CCDC102B: variants seen among roughly 807,000 people sequenced by gnomAD.
CCDC102B encodes the protein coiled-coil domain containing 102B, also known as coiled-coil domain-containing protein 102B.
CCDC102B carries 75 observed loss-of-function variants against 57.4 expected under a neutral mutation model. That is an observed-to-expected ratio of 1.31 (90% CI 1.08 to 1.58). CCDC102B has a LOEUF of 1.58. Among genes scored for constraint, CCDC102B ranks in the 40% most tolerant of loss-of-function variants. The pLI, the probability that CCDC102B is intolerant of heterozygous loss-of-function variation, is 0.00. For synonymous variants in CCDC102B, 206 were observed against 201.9 expected, an observed-to-expected ratio of 1.02 and a Z score of -0.17; for missense variants, 636 against 582.6, an observed-to-expected ratio of 1.09 and a Z score of -0.94.
intron 5 of CCDC102B, among the ~76,000 whole-genome samples, chr18:68,876,722 A>G (rs938523253): frequency 6.6e-6 from 1 of 152,200 alleles, no homozygotes; most frequent in African/African-American, 2.4e-5. Context: ...ACTGTTAGTG[A>G]TATAGATTTA....
chr18:68,759,320 G>A (rs2034173392), intron 2 of CCDC102B, among the ~76,000 whole-genome samples: 1 of 152,044 alleles, frequency 6.6e-6, no homozygotes, highest in African/African-American at 2.4e-5. Context: ...AATTTTATAG[G>A]AACTTAAAGA....
chr18:68,955,275 A>G (rs35039350), intron 6 of CCDC102B, among the ~76,000 whole-genome samples: 1 of 152,160 alleles, frequency 6.6e-6, no homozygotes, highest in Admixed American at 6.6e-5. Flanking sequence ...AGGAAAAAAC[A>G]CAATAGGAAA....
At chr18:68,826,432 G>T (rs777367331) in intron 1 of CCDC102B, among the ~76,000 whole-genome samples, 3 of 152,190 alleles carry the variant, frequency 2.0e-5, no homozygotes, top group Non-Finnish European at 2.9e-5. Context: ...CAGTGACCAA[G>T]AGAGAAGGCA....
At chr18:69,049,139 C>T (rs1599901949) in intron 7 of CCDC102B, among the ~76,000 whole-genome samples, 1 of 151,812 alleles carries the variant, frequency 6.6e-6, no homozygotes, top group African/African-American at 2.4e-5. Context: ...TTGCTGCACC[C>T]ATCAACCCGT....
intron 1 of CCDC102B, among the ~76,000 whole-genome samples, chr18:68,811,631 A>G (rs540134654): frequency 2.1e-4 from 32 of 152,286 alleles, no homozygotes; most frequent in African/African-American, 6.3e-4. Flanking sequence ...CAAACAAACA[A>G]AAAACATAAG....
chr18:69,021,178 T>C (rs1396000962), intron 7 of CCDC102B, among the ~76,000 whole-genome samples: 1 of 152,192 alleles, frequency 6.6e-6, no homozygotes, highest in African/African-American at 2.4e-5. Flanking sequence ...ATTATCTAAG[T>C]TAATATCCGG....
intron 2 of CCDC102B, among the ~76,000 whole-genome samples, chr18:68,718,364 G>C (rs764082854): frequency 3.3e-5 from 5 of 152,174 alleles, no homozygotes; most frequent in Non-Finnish European, 7.3e-5. Context: ...TTTGTATGGA[G>C]AACTACGTGC....
chr18:68,833,162 A>T lies in CCDC102B; in HGVS notation c.-15-3587A>T, dbSNP rs1019484865. On this transcript the variant is annotated intron_variant, in intron 1 of 7. Coordinates refer to ENST00000360242, the MANE Select transcript of CCDC102B (RefSeq NM_024781.3). ...TCATATGAAAAGGTGGTAGCTCAGG[A>T]TTCAAATTTCCTCAGTTTCCAAACT... is the stretch of plus-strand genomic sequence containing the variant. 2.0e-5 allele frequency among the ~76,000 whole-genome samples: 3 copies of T among 152,206 alleles called. No homozygotes were observed. The South Asian group carries it at 6.2e-4, about 31-fold the overall frequency.
chr18:68,930,123 G>A (rs2145136064), intron 6 of CCDC102B, among the ~76,000 whole-genome samples: 1 of 151,298 alleles, frequency 6.6e-6, no homozygotes, highest in Admixed American at 6.6e-5. Flanking sequence ...AAAGGCCAAT[G>A]TAGTCTGTGA....
intron 2 of CCDC102B, among the ~76,000 whole-genome samples, chr18:68,743,271 G>C (rs1468134667): frequency 6.6e-6 from 1 of 151,836 alleles, no homozygotes; most frequent in African/African-American, 2.4e-5. Flanking sequence ...AGACAGGTGT[G>C]GGGGCACATG....
chr18:68,863,400 AGT>A (rs2038845040), intron 4 of CCDC102B, among the ~76,000 whole-genome samples: 1 of 151,966 alleles, frequency 6.6e-6, no homozygotes, highest in Non-Finnish European at 1.5e-5. Context: ...GAAATGTGTC[AGT>A]GTGTTTCCCT....
At chr18:68,743,998 T>G (rs2033515596) in intron 2 of CCDC102B, among the ~76,000 whole-genome samples, 2 of 152,236 alleles carry the variant, frequency 1.3e-5, no homozygotes, top group Admixed American at 6.5e-5. Flanking sequence ...TTTGAAGTCT[T>G]TGGACTTCGA....
At chr18:68,783,868 G>A (rs1296424126) in intron 2 of CCDC102B, among the ~76,000 whole-genome samples, 1 of 152,100 alleles carries the variant, frequency 6.6e-6, no homozygotes, top group Non-Finnish European at 1.5e-5. Context: ...ATTAAAGTCT[G>A]CTGATAACAT....
At chr18:69,037,978 A>C (rs1019872) in intron 7 of CCDC102B, among the ~76,000 whole-genome samples, 8,692 of 152,108 alleles carry the variant, frequency 0.057, 376 homozygotes, top group East Asian at 0.16. Context: ...CCTTCAAATT[A>C]AATGTTGATT....
intron 2 of CCDC102B, among the ~76,000 whole-genome samples, chr18:68,740,644 A>G (rs2033339806): frequency 6.6e-6 from 1 of 152,214 alleles, no homozygotes. Context: ...CATTGCTGGC[A>G]TTGGAGGTGG....
At chr18:68,751,173 A>G (rs543068820) in intron 2 of CCDC102B, among the ~76,000 whole-genome samples, 1 of 152,354 alleles carries the variant, frequency 6.6e-6, no homozygotes, top group Admixed American at 6.5e-5. Flanking sequence ...TTTATGTTCT[A>G]TAAAGCCACT....
chr18:68,948,983 C>A (rs1599736681), intron 6 of CCDC102B, among the ~76,000 whole-genome samples: 1 of 152,074 alleles, frequency 6.6e-6, no homozygotes, highest in Admixed American at 6.6e-5. Context: ...AGAGCCAGTC[C>A]GAGTCTCAAA....
intron 6 of CCDC102B, among the ~76,000 whole-genome samples, chr18:68,906,922 G>GATGCTTTT (rs146413897): frequency 2.7e-5 from 4 of 149,448 alleles, no homozygotes; most frequent in Admixed American, 2.7e-4. Context: ...GTTTATTTCT[G>GATGCTTTT]ATACTTTTAT....
chr18:68,967,028 A>T (rs1323775027), intron 6 of CCDC102B, among the ~76,000 whole-genome samples: 1 of 152,140 alleles, frequency 6.6e-6, no homozygotes, highest in Non-Finnish European at 1.5e-5. Context: ...CACGAGGGAA[A>T]TATTTTCAAC....
Sources: allele counts gnomAD v4.1 joint callset (sites outside exome capture counted in the v4.1 genomes callset), GRCh38; gene constraint gnomAD v4.1.1; transcripts MANE v1.5; gene names NCBI Gene and HGNC (gene_info 2026-07-23, HGNC 2026-07-21).